Variants in DZIP3 observed in about 807,000 individuals in gnomAD.
DZIP3 encodes the protein E3 ubiquitin-protein ligase DZIP3.
In DZIP3, 118 loss-of-function variants were observed where a neutral mutation model predicts 162.0. That is an observed-to-expected ratio of 0.73 (90% CI 0.63 to 0.85). The LOEUF (loss-of-function observed/expected upper bound fraction) is 0.85, where lower values mean the gene tolerates loss of function less well. DZIP3 is among the 40% of genes least tolerant of loss of function. The pLI, the probability that DZIP3 is intolerant of heterozygous loss-of-function variation, is 0.00. For missense variants in DZIP3, 1,331 were observed against 1,407.0 expected (o/e 0.95, Z 0.86); for synonymous variants, 438 against 458.6 (o/e 0.96, Z 0.57).
At chr3:108,632,023 C>T (rs1941913047) in intron 8 of DZIP3, among the ~76,000 whole-genome samples, 1 of 151,828 alleles carries the variant, frequency 6.6e-6, no homozygotes, top group South Asian at 2.1e-4. Context: ...CAACTTTGTC[C>T]TCCTACATTG....
intron 21 of DZIP3, among the ~76,000 whole-genome samples, chr3:108,663,171 C>T (rs1943518705): frequency 6.6e-6 from 1 of 152,022 alleles, no homozygotes; most frequent in African/African-American, 2.4e-5. Context: ...TCAGACTTAC[C>T]CTGACTAGAG....
chr3:108,626,641 G>C (rs948556208), intron 7 of DZIP3, among the ~76,000 whole-genome samples: 1 of 152,136 alleles, frequency 6.6e-6, no homozygotes, highest in Non-Finnish European at 1.5e-5. Context: ...TTATATTCCA[G>C]AAACTGTTAG....
intron 27 of DZIP3, among the ~76,000 whole-genome samples, chr3:108,685,149 CTG>C (rs926116430): frequency 6.6e-6 from 1 of 152,128 alleles, no homozygotes; most frequent in Non-Finnish European, 1.5e-5. Flanking sequence ...ATAAACAAAT[CTG>C]TATATAGTCC....
intron 14 of DZIP3, among the ~76,000 whole-genome samples, 183 bp downstream of exon 14, chr3:108,644,964 G>C (rs1316742848): frequency 6.6e-6 from 1 of 152,110 alleles, no homozygotes; most frequent in Non-Finnish European, 1.5e-5. Flanking sequence ...GGAAATCCTA[G>C]GCTAAAGAAG....
intron 9 of DZIP3, among the ~76,000 whole-genome samples, chr3:108,633,723 C>T (rs1289804581): frequency 1.6e-5 from 2 of 123,118 alleles, no homozygotes; most frequent in African/African-American, 3.1e-5. Context: ...TGATAGATCT[C>T]TCTCTCTCTG....
intron 32 of DZIP3, among the ~76,000 whole-genome samples, chr3:108,691,810 T>C (rs1325260137): frequency 6.6e-6 from 1 of 152,208 alleles, no homozygotes; most frequent in Non-Finnish European, 1.5e-5. Flanking sequence ...AGACCACTCA[T>C]ACCTGCATAA....
At chr3:108,660,022 A>T (rs550836328) in intron 19 of DZIP3, among the ~76,000 whole-genome samples, 1 of 152,238 alleles carries the variant, frequency 6.6e-6, no homozygotes, top group South Asian at 2.1e-4. Context: ...TTCCATGCTC[A>T]TGGGTAGGAA....
At position 108,659,226 on chromosome 3, in the gene DZIP3, C is replaced by T. The variant is rs965180905; in HGVS notation, c.2200-2651C>T. ...TTAGACCAATATCCCTGATGAACAT[C>T]GATGCAAAAATCCTCAATAAAATAC... is the stretch of plus-strand genomic sequence containing the variant. On this transcript the variant is annotated intron_variant, in intron 19 of 32. Coordinates refer to ENST00000361582, the MANE Select transcript of DZIP3 (RefSeq NM_014648.4). Among the ~76,000 whole-genome samples the T allele has an allele frequency of 3.3e-5, 5 of 152,134 alleles. No individual in the cohort carries two copies. In the East Asian group the frequency reaches 5.8e-4, roughly 18 times the overall value.
chr3:108,689,107 C>G (rs1214207311), intron 31 of DZIP3, among the ~76,000 whole-genome samples, 183 bp downstream of exon 31: 2 of 152,172 alleles, frequency 1.3e-5, no homozygotes, highest in African/African-American at 4.8e-5. Flanking sequence ...TTGCATTGTG[C>G]TCTCTCAGAT....
At chr3:108,655,722 C>T (rs749167006) in intron 19 of DZIP3, among the ~76,000 whole-genome samples, 3 of 152,100 alleles carry the variant, frequency 2.0e-5, no homozygotes, top group Middle Eastern at 3.2e-3. Context: ...GGGAAGCGCA[C>T]GGGGTCAGGG....
intron 5 of DZIP3, among the ~76,000 whole-genome samples, chr3:108,619,908 A>G (rs538925429): frequency 6.6e-6 from 1 of 152,130 alleles, no homozygotes; most frequent in East Asian, 1.9e-4. Context: ...ATATTAAAAA[A>G]AAAAAAACAG....
intron 14 of DZIP3, among the ~76,000 whole-genome samples, chr3:108,646,067 C>G (rs1942608353): frequency 6.6e-6 from 1 of 152,158 alleles, no homozygotes; most frequent in African/African-American, 2.4e-5. Context: ...CTCAGCTATT[C>G]TAGTTGCTTT....
At position 108,683,276 on chromosome 3, in the gene DZIP3, T is replaced by A. The variant is rs1454521469; in HGVS notation, c.2884-940T>A. Among the ~76,000 whole-genome samples the A allele has an allele frequency of 1.4e-5, 2 of 143,736 alleles. 1 individual carries two copies. The highest frequency in any genetic ancestry group is 6.0e-5 in the African/African-American group (2 of 33,486). 94.3% of individuals were successfully genotyped at this position (143,736 alleles called of 152,430 possible). ...TTAATATCCAGTTAGAATTTTTGTT[T>A]CCCAGTTGTTTAAAAAATCTCTTTT... is the stretch of plus-strand genomic sequence containing the variant. On this transcript the variant is annotated intron_variant, in intron 26 of 32. Coordinates refer to ENST00000361582, the MANE Select transcript of DZIP3 (RefSeq NM_014648.4).
At chr3:108,651,034 A>T (rs1161721600) in intron 17 of DZIP3, 103 bp from the exon 18 acceptor site, 2 of 400,922 alleles carry the variant, frequency 5.0e-6, no homozygotes, top group Non-Finnish European at 8.0e-6. Flanking sequence ...TTTAGTTATG[A>T]TCAAAAATTT....
chr3:108,594,460 A>C (rs1939603729), intron 1 of DZIP3, among the ~76,000 whole-genome samples: 1 of 113,306 alleles, frequency 8.8e-6, no homozygotes, highest in African/African-American at 3.4e-5. Context: ...TATAACTTTC[A>C]AGTTTGGGGT....
Position 108,690,801 on chromosome 3 carries a change from G to A in DZIP3, c.3531G>A (p.Trp1177Ter). Residue 1177 changes from tryptophan (W) to a stop codon, truncating the protein, a stop_gained, in exon 32 of 33, where the codon TGG becomes TGA. Coordinates refer to ENST00000361582, the MANE Select transcript of DZIP3 (RefSeq NM_014648.4). LOFTEE classifies it high-confidence loss of function. ...HKFHAQCIRPWLMQQGTCPTC... is the reference protein window; with the variant it reads ...HKFHAQCIRP The stretch of plus-strand genomic sequence containing the variant: ...TTGCTCCTTAGTGCATTAGACCATG[G>A]TTGATGCAACAGGGGACATGTCCAA... 1 of 1,614,006 alleles carries A rather than the reference G, an allele frequency of 6.2e-7. No individual in the cohort carries two copies. Among genetic ancestry groups the A allele is most frequent in the Non-Finnish European group, 8.5e-7 (1 of 1,179,922 alleles).
intron 14 of DZIP3, among the ~76,000 whole-genome samples, chr3:108,645,051 C>A (rs1942563611): frequency 6.6e-6 from 1 of 152,042 alleles, no homozygotes; most frequent in Non-Finnish European, 1.5e-5. Flanking sequence ...GTGAAGCAGA[C>A]TGAGAAGAAT....
chr3:108,618,414 C>A (rs193285636), intron 5 of DZIP3, among the ~76,000 whole-genome samples: 1 of 151,986 alleles, frequency 6.6e-6, no homozygotes, highest in Non-Finnish European at 1.5e-5. Flanking sequence ...CTATTCTAAG[C>A]GCTTTGTAAA....
At chr3:108,601,409 G>A (rs759982446) in intron 1 of DZIP3, among the ~76,000 whole-genome samples, 2 of 152,164 alleles carry the variant, frequency 1.3e-5, no homozygotes, top group Non-Finnish European at 2.9e-5. Flanking sequence ...AAAATTGAGA[G>A]AGCCTGATAT....
Sources: allele counts gnomAD v4.1 joint callset (sites outside exome capture counted in the v4.1 genomes callset), GRCh38; gene constraint gnomAD v4.1.1; transcripts MANE v1.5; gene names NCBI Gene and HGNC (gene_info 2026-07-23, HGNC 2026-07-21).